Variants in SLF1 observed in about 807,000 individuals in gnomAD.
SLF1 encodes SMC5/6 complex localization factor 1, also known as SMC5-SMC6 complex localization factor protein 1.
In SLF1, 105 loss-of-function variants were observed where a neutral mutation model predicts 123.0. The observed-to-expected ratio is 0.85, with a 90% confidence interval of 0.73 to 1.00. The LOEUF is 1.00. SLF1 is among the 50% of genes least tolerant of loss of function. SLF1 has a pLI of 0.00. For missense variants in SLF1, 1,239 were observed against 1,223.0 expected (o/e 1.01, Z -0.20); for synonymous variants, 434 against 406.6 (o/e 1.07, Z -0.81).
intron 9 of SLF1, among the ~76,000 whole-genome samples, chr5:94,659,697 T>C (rs1748842785): frequency 6.6e-6 from 1 of 152,184 alleles, no homozygotes; most frequent in African/African-American, 2.4e-5. Flanking sequence ...CATGTGGTCC[T>C]TGGGCAGCAC....
intron 14 of SLF1, among the ~76,000 whole-genome samples, chr5:94,671,560 G>A (rs1001940004): frequency 4.6e-5 from 7 of 151,330 alleles, no homozygotes; most frequent in Middle Eastern, 3.4e-3. Context: ...ATAAATATTA[G>A]TCACCTTTTT....
chr5:94,636,710 A>ATT (rs140191160), intron 4 of SLF1, among the ~76,000 whole-genome samples: 1,899 of 75,482 alleles, frequency 0.025, 127 homozygotes, highest in African/African-American at 0.05. Flanking sequence ...TATTTTACTG[A>ATT]TTTTTTTTTT....
At chr5:94,621,962 A>G (rs1421179150) in intron 1 of SLF1, among the ~76,000 whole-genome samples, 2 of 151,992 alleles carry the variant, frequency 1.3e-5, no homozygotes, top group African/African-American at 4.8e-5. Context: ...GGAAATAGAC[A>G]CTGTGTCTTT....
At chr5:94,651,880 A>G in intron 7 of SLF1, 35 bp downstream of exon 7, 1 of 1,157,262 alleles carries the variant, frequency 8.6e-7, no homozygotes, top group Non-Finnish European at 1.2e-6. Context: ...ATTTATTTTT[A>G]ATATATATAG....
intron 9 of SLF1, among the ~76,000 whole-genome samples, chr5:94,661,560 G>A (rs2152485209): frequency 1.3e-5 from 2 of 150,718 alleles, no homozygotes. Flanking sequence ...TTTGAGACCG[G>A]GTCTAGCTCT....
intron 14 of SLF1, among the ~76,000 whole-genome samples, chr5:94,672,405 T>A (rs986743786): frequency 4.6e-5 from 7 of 152,000 alleles, no homozygotes; most frequent in Non-Finnish European, 8.8e-5. Flanking sequence ...CTTTTCTTCA[T>A]ATTCTTTGTG....
intron 5 of SLF1, among the ~76,000 whole-genome samples, chr5:94,647,615 T>A (rs1423066810): frequency 6.6e-6 from 1 of 152,216 alleles, no homozygotes; most frequent in East Asian, 1.9e-4. Context: ...TTTCCTAGAT[T>A]ATAAAAGGAG....
intron 16 of SLF1, 145 bp downstream of exon 16, chr5:94,686,863 C>T: frequency 1.1e-6 from 1 of 932,392 alleles, no homozygotes; most frequent in Non-Finnish European, 1.5e-6. Context: ...TCGCGGCTCA[C>T]TGTAAGCTCC....
intron 16 of SLF1, 74 bp from the exon 17 acceptor site, chr5:94,688,432 G>A (rs1422503620): frequency 1.4e-6 from 2 of 1,462,382 alleles, no homozygotes; most frequent in Non-Finnish European, 9.4e-7. Context: ...ATGTAATAGT[G>A]AAATGAATCA....
chr5:94,631,954 A>G (rs985228332), intron 4 of SLF1, among the ~76,000 whole-genome samples: 1 of 146,592 alleles, frequency 6.8e-6, no homozygotes, highest in African/African-American at 2.5e-5. Flanking sequence ...TGTCTCTACA[A>G]AATTTTTTTT....
intron 3 of SLF1, among the ~76,000 whole-genome samples, 194 bp from the exon 4 acceptor site, chr5:94,630,309 A>G (rs1202954234): frequency 2.6e-5 from 4 of 152,252 alleles, no homozygotes; most frequent in East Asian, 1.9e-4. Context: ...AAAAGATTAC[A>G]TACAATGTTC....
chr5:94,690,702 T>C (rs1221708197), intron 18 of SLF1, among the ~76,000 whole-genome samples: 1 of 152,136 alleles, frequency 6.6e-6, no homozygotes, highest in Non-Finnish European at 1.5e-5. Flanking sequence ...GATTCAGTAT[T>C]TCATTTTGTT....
In SLF1 at chr5:94,673,052, AC is replaced by A. The variant is rs555453141; in HGVS notation, c.1827+2045del. ...GGTAGTTCAAATGAAGTAAAGGGCT[AC>A]ATATACATTTAGTTTTGCTTCTGAT... is the stretch of plus-strand genomic sequence containing the variant. On this transcript the variant is annotated intron_variant, in intron 14 of 20. Coordinates refer to ENST00000265140, the MANE Select transcript of SLF1 (RefSeq NM_032290.4). Among the ~76,000 whole-genome samples the A allele has an allele frequency of 4.0e-4, 61 of 152,316 alleles. 1 individual carries two copies. The South Asian group carries it at 8.3e-3, about 21-fold the overall frequency.
intron 15 of SLF1, among the ~76,000 whole-genome samples, chr5:94,686,212 C>T (rs1281188218): frequency 6.6e-6 from 1 of 152,180 alleles, no homozygotes. Context: ...TCCAAAGAAG[C>T]ATCCCTATTG....
chr5:94,619,156 G>A (rs1450752273), intron 1 of SLF1, among the ~76,000 whole-genome samples: 2 of 152,162 alleles, frequency 1.3e-5, no homozygotes, highest in Non-Finnish European at 2.9e-5. Context: ...AGAACCCATG[G>A]GGACGCCTCA....
chr5:94,623,540 A>G (rs1791978727), intron 1 of SLF1, among the ~76,000 whole-genome samples: 1 of 151,878 alleles, frequency 6.6e-6, no homozygotes, highest in Admixed American at 6.6e-5. Flanking sequence ...GAATGCTCCA[A>G]GGAACACCCC....
chr5:94,634,094 T>C (rs1004025211), intron 4 of SLF1, among the ~76,000 whole-genome samples: 7 of 152,208 alleles, frequency 4.6e-5, no homozygotes, highest in African/African-American at 1.7e-4. Context: ...GTTTATTATT[T>C]AATTCCCAAT....
chr5:94,666,347 C>A (rs1279766621), intron 12 of SLF1, among the ~76,000 whole-genome samples: 1 of 152,020 alleles, frequency 6.6e-6, no homozygotes, highest in African/African-American at 2.4e-5. Flanking sequence ...ATATGCATAT[C>A]ATCAGTTTTT....
At chr5:94,628,774 T>C (rs751690294) in intron 1 of SLF1, 37 bp from the exon 2 acceptor site, 129 of 1,366,538 alleles carry the variant, frequency 9.4e-5, no homozygotes, top group Admixed American at 5.1e-5. Context: ...ATAATATCTT[T>C]AACACACATT....
Sources: allele counts gnomAD v4.1 joint callset (sites outside exome capture counted in the v4.1 genomes callset), GRCh38; gene constraint gnomAD v4.1.1; transcripts MANE v1.5; gene names NCBI Gene and HGNC (gene_info 2026-07-23, HGNC 2026-07-21).